NXPE2: variants seen among roughly 807,000 people sequenced by gnomAD.
NXPE2 encodes NXPE family member 2.
A neutral mutation model predicts 34.4 loss-of-function variants in NXPE2; 34 were observed. The ratio of observed to expected loss-of-function variants is 0.99; its 90% CI spans 0.75 to 1.31. NXPE2 has a LOEUF of 1.31. NXPE2 is among the 40% of genes most tolerant of loss of function. The pLI is 0.00. For synonymous variants in NXPE2, 235 were observed against 231.3 expected (o/e 1.02, Z -0.15); for missense variants, 649 against 672.5 (o/e 0.97, Z 0.39).
the NXPE2 span, among the ~76,000 whole-genome samples, chr11:114,626,649 G>A: frequency 2.0e-5 from 3 of 152,190 alleles, no homozygotes; most frequent in African/African-American, 7.2e-5. Flanking sequence ...TTCCTCACCA[G>A]CAACAGAACA....
the NXPE2 span, chr11:114,583,172 A>G: frequency 1.2e-6 from 1 of 865,408 alleles, no homozygotes; most frequent in South Asian, 1.8e-5. Flanking sequence ...ACTATTATCA[A>G]TATTATTTAA....
the NXPE2 span, among the ~76,000 whole-genome samples, chr11:114,532,685 C>A: frequency 2.6e-5 from 4 of 152,022 alleles, no homozygotes; most frequent in Admixed American, 2.6e-4. Flanking sequence ...ATGGAGATGA[C>A]TTTTAAATTC....
At chr11:114,555,507 G>A in the NXPE2 span, among the ~76,000 whole-genome samples, 1 of 152,172 alleles carries the variant, frequency 6.6e-6, no homozygotes, top group Non-Finnish European at 1.5e-5. Context: ...TTACAGGCGT[G>A]AGCCACCACG....
chr11:114,467,414 C>T, the NXPE2 span, among the ~76,000 whole-genome samples: 1 of 152,076 alleles, frequency 6.6e-6, no homozygotes, highest in Non-Finnish European at 1.5e-5. Context: ...GAGATCTAGT[C>T]CTAAAAATAT....
At chr11:114,583,725 G>A in the NXPE2 span, 1 of 539,800 alleles carries the variant, frequency 1.9e-6, no homozygotes, top group South Asian at 1.5e-5. Context: ...GATACAATCT[G>A]GGCCACCTTG....
chr11:114,660,625 G>A, the NXPE2 span, among the ~76,000 whole-genome samples: 1 of 151,908 alleles, frequency 6.6e-6, no homozygotes, highest in Non-Finnish European at 1.5e-5. Flanking sequence ...ACTCGATAAA[G>A]GCATTTAGGA....
the NXPE2 span, among the ~76,000 whole-genome samples, chr11:114,662,498 A>G: frequency 6.6e-6 from 1 of 152,148 alleles, no homozygotes; most frequent in East Asian, 1.9e-4. Flanking sequence ...ATGAGCTGCT[A>G]CTAGTGCTGA....
At chr11:114,696,336 AAACC>A (rs1246009464) in intron 2 of NXPE2, among the ~76,000 whole-genome samples, 53 of 132,024 alleles carry the variant, frequency 4.0e-4, no homozygotes, top group Middle Eastern at 4.3e-3. Flanking sequence ...CATATCAAAA[AAACC>A]AAAAAAAAAA....
the NXPE2 span, among the ~76,000 whole-genome samples, chr11:114,644,419 G>A: frequency 1.3e-5 from 2 of 152,074 alleles, no homozygotes; most frequent in Admixed American, 1.3e-4. Flanking sequence ...ATTATTTTGA[G>A]ATATAGTCCA....
chr11:114,770,880 T>A, the NXPE2 span, among the ~76,000 whole-genome samples: 9 of 152,284 alleles, frequency 5.9e-5, no homozygotes, highest in Non-Finnish European at 8.8e-5. Flanking sequence ...TGATGTAGGA[T>A]CAAATTGTAA....
At chr11:114,809,028 G>C in the NXPE2 span, among the ~76,000 whole-genome samples, 3 of 152,172 alleles carry the variant, frequency 2.0e-5, no homozygotes, top group South Asian at 2.1e-4. Context: ...GGGATGCAAG[G>C]CTGGTTCAAC....
chr11:114,761,530 C>T, the NXPE2 span, among the ~76,000 whole-genome samples: 1 of 150,644 alleles, frequency 6.6e-6, no homozygotes, highest in African/African-American at 2.4e-5. Flanking sequence ...TGTCTTCATC[C>T]TTGCCCTTTT....
At chr11:114,741,696 G>T in the NXPE2 span, among the ~76,000 whole-genome samples, 1 of 151,964 alleles carries the variant, frequency 6.6e-6, no homozygotes, top group Admixed American at 6.6e-5. Context: ...CAAACTTCTT[G>T]TTTTGCTCAT....
At chr11:114,735,577 G>A in the NXPE2 span, among the ~76,000 whole-genome samples, 1 of 152,292 alleles carries the variant, frequency 6.6e-6, no homozygotes, top group Non-Finnish European at 1.5e-5. Context: ...GTTTAGCTTA[G>A]TACATAGGAA....
At chr11:114,609,734 G>C in the NXPE2 span, among the ~76,000 whole-genome samples, 20 of 151,256 alleles carry the variant, frequency 1.3e-4, no homozygotes, top group East Asian at 2.8e-3. Context: ...ATTGCCTCAT[G>C]GATAACCACT....
chr11:114,480,440 A>G, the NXPE2 span, among the ~76,000 whole-genome samples: 1 of 152,204 alleles, frequency 6.6e-6, no homozygotes, highest in African/African-American at 2.4e-5. Context: ...CTAAGCTAAA[A>G]AGACGTTAAT....
chr11:114,771,570 G>C, the NXPE2 span, among the ~76,000 whole-genome samples: 13 of 152,048 alleles, frequency 8.5e-5, no homozygotes, highest in Admixed American at 2.0e-4. Flanking sequence ...TCAGCTAAAG[G>C]GAAGGATACT....
intron 2 of NXPE2, among the ~76,000 whole-genome samples, chr11:114,683,581 C>T (rs1345676163): frequency 6.6e-6 from 1 of 152,022 alleles, no homozygotes; most frequent in Non-Finnish European, 1.5e-5. Context: ...CCACCAGGTC[C>T]AGCTAATTTT....
At chr11:114,526,132 G>T in the NXPE2 span, among the ~76,000 whole-genome samples, 2 of 152,166 alleles carry the variant, frequency 1.3e-5, no homozygotes, top group South Asian at 2.1e-4. Flanking sequence ...GAAGAGGGCT[G>T]CAAGGAATGT....
Sources: allele counts gnomAD v4.1 joint callset (sites outside exome capture counted in the v4.1 genomes callset), GRCh38; gene constraint gnomAD v4.1.1; transcripts MANE v1.5; gene names NCBI Gene and HGNC (gene_info 2026-07-23, HGNC 2026-07-21).